The following IMPG2 variants were observed in gnomAD, a reference collection of about 807,000 sequenced individuals.
The protein encoded by IMPG2 is interphotoreceptor matrix proteoglycan 2.
Under a neutral mutation model 129.2 loss-of-function variants are expected in IMPG2, and 91 were observed. The observed-to-expected ratio is 0.70, with a 90% CI of 0.59 to 0.84. The LOEUF (loss-of-function observed/expected upper bound fraction) is 0.84. Among genes scored for constraint, IMPG2 ranks in the 40% least tolerant of loss-of-function variants. IMPG2 has a pLI of 0.00. For synonymous variants in IMPG2, 510 were observed against 517.7 expected (o/e 0.99, Z 0.20); for missense variants, 1,430 against 1,461.7 (o/e 0.98, Z 0.35).
In IMPG2 at chr3:101,319,774, G is replaced by A. The variant is rs2058802482; in HGVS notation, c.144C>T (p.Leu48=). ...AAAGGTCTGTTGATTCTTCAGGCAG[G>A]AGAAAAGAAACTGCACTCTTGGGTT... ...IQEPKSAVSF[L]LPEESTDLSL... Residue 48 remains leucine (L), a synonymous_variant, in exon 2 of 19, where the codon CTC becomes CTT. Transcript: ENST00000193391. 6.2e-7 allele frequency: 1 copy of A among 1,613,460 alleles called. No individual in the cohort carries two copies. The highest frequency in any genetic ancestry group is 1.1e-5 in the South Asian group (1 of 91,074).
chr3:101,269,508 T>C lies in IMPG2; in HGVS notation c.887+7A>G. The C allele has an allele frequency of 1.3e-6, 2 of 1,510,760 alleles. No individual in the cohort carries two copies. Among genetic ancestry groups the C allele is most frequent in the East Asian group, 4.5e-5 (2 of 44,272 alleles). The allele number at this position is 1,510,760 out of a possible 1,614,324, so 93.6% of individuals were successfully genotyped here. On this transcript the variant is annotated splice_region_variant and intron_variant, in intron 8 of 18. Transcript: ENST00000193391. ...GAAAATGTGCATATTTAGATAAGTC[T>C]ATTTACCTAAATTCAAGTACACGAA...
chr3:101,297,412 C>T (rs969186003), intron 3 of IMPG2, among the ~76,000 whole-genome samples: 2 of 151,820 alleles, frequency 1.3e-5, no homozygotes, highest in Non-Finnish European at 1.5e-5. Context: ...GAATTCTGCT[C>T]TGATCTTAGT....
At chr3:101,243,142 T>C (rs1438147741) in intron 13 of IMPG2, among the ~76,000 whole-genome samples, 2 of 152,248 alleles carry the variant, frequency 1.3e-5, no homozygotes, top group South Asian at 2.1e-4. Context: ...ATGGAATTCA[T>C]ACATAGTTTT....
chr3:101,253,059 C>A (rs1359105010), intron 11 of IMPG2, among the ~76,000 whole-genome samples: 1 of 152,060 alleles, frequency 6.6e-6, no homozygotes, highest in Non-Finnish European at 1.5e-5. Flanking sequence ...TAACTCCCTA[C>A]AAGTGAAGTG....
At chr3:101,259,870 C>T (rs966683086) in intron 9 of IMPG2, among the ~76,000 whole-genome samples, 3 of 151,972 alleles carry the variant, frequency 2.0e-5, no homozygotes, top group African/African-American at 4.8e-5. Flanking sequence ...GTAAAAGAAA[C>T]TTTTGATTAT....
At chr3:101,298,590 C>A (rs1025529831) in intron 3 of IMPG2, among the ~76,000 whole-genome samples, 1 of 152,180 alleles carries the variant, frequency 6.6e-6, no homozygotes, top group African/African-American at 2.4e-5. Flanking sequence ...CAAGGCAGGC[C>A]TGATGGTGAT....
chr3:101,232,391 C>T (rs1162233598), intron 15 of IMPG2, among the ~76,000 whole-genome samples: 1 of 152,034 alleles, frequency 6.6e-6, no homozygotes, highest in Non-Finnish European at 1.5e-5. Context: ...GTGCCTGCCA[C>T]CACACCCAGC....
At chr3:101,304,535 A>G (rs1707169008) in intron 2 of IMPG2, among the ~76,000 whole-genome samples, 1 of 152,184 alleles carries the variant, frequency 6.6e-6, no homozygotes, top group African/African-American at 2.4e-5. Context: ...TACAAAGAGA[A>G]TTGATTCATC....
intron 9 of IMPG2, among the ~76,000 whole-genome samples, chr3:101,264,245 C>A (rs1195948731): frequency 1.3e-5 from 2 of 151,780 alleles, no homozygotes; most frequent in East Asian, 1.9e-4. Context: ...ACGTACCTGA[C>A]AAAAATTGAA....
intron 9 of IMPG2, among the ~76,000 whole-genome samples, chr3:101,260,320 T>A (rs940313315): frequency 2.6e-5 from 4 of 152,180 alleles, no homozygotes; most frequent in Non-Finnish European, 5.9e-5. Context: ...AGTAAGAACA[T>A]CTGCTTGTCT....
intron 9 of IMPG2, among the ~76,000 whole-genome samples, chr3:101,258,306 G>C (rs931180404): frequency 6.6e-6 from 1 of 152,034 alleles, no homozygotes; most frequent in African/African-American, 2.4e-5. Context: ...TTGTGCTGGA[G>C]TATTTTCTAA....
chr3:101,304,028 C>A (rs775229322), intron 3 of IMPG2, 118 bp downstream of exon 3: 29 of 1,055,334 alleles, frequency 2.7e-5, no homozygotes, highest in Non-Finnish European at 4.2e-5. Context: ...CTCAGATAGC[C>A]CAATTCAACA....
chr3:101,305,676 A>AT (rs1229649713), intron 2 of IMPG2, among the ~76,000 whole-genome samples: 3 of 152,126 alleles, frequency 2.0e-5, no homozygotes, highest in Non-Finnish European at 2.9e-5. Flanking sequence ...TAAGAAAAAA[A>AT]AATATATATA....
intron 11 of IMPG2, among the ~76,000 whole-genome samples, chr3:101,249,510 A>G (rs929805050): frequency 6.6e-6 from 1 of 152,192 alleles, no homozygotes; most frequent in African/African-American, 2.4e-5. Context: ...GAAAAGTGAT[A>G]AAAAGTATAT....
At chr3:101,291,031 A>T (rs1401719813) in intron 4 of IMPG2, among the ~76,000 whole-genome samples, 1 of 152,210 alleles carries the variant, frequency 6.6e-6, no homozygotes, top group African/African-American at 2.4e-5. Context: ...CACAGTGAAC[A>T]GAGTCAAGAA....
chr3:101,300,157 C>T (rs1021224917), intron 3 of IMPG2, among the ~76,000 whole-genome samples: 1 of 152,204 alleles, frequency 6.6e-6, no homozygotes. Flanking sequence ...TGTCAAGGTC[C>T]GGCCTGAAGA....
chr3:101,305,057 G>A (rs1390082665), intron 2 of IMPG2, among the ~76,000 whole-genome samples: 1 of 152,018 alleles, frequency 6.6e-6, no homozygotes, highest in African/African-American at 2.4e-5. Flanking sequence ...GGTATTTAAA[G>A]TCGCTTTATT....
At position 101,259,295 on chromosome 3, in the gene IMPG2, G is replaced by T. The variant is rs543808953; in HGVS notation, c.909-1522C>A. Among the ~76,000 whole-genome samples the T allele has an allele frequency of 2.0e-5, 3 of 152,190 alleles. No individual in the cohort carries two copies. The South Asian group carries it at 6.2e-4, about 32-fold the overall frequency. On this transcript the variant is annotated intron_variant, in intron 9 of 18. Transcript: ENST00000193391. ...GAGACAAACCACTCAAGACAGACGT[G>T]CAGTAAAAGTAATTCACCACTTTCA...
intron 2 of IMPG2, among the ~76,000 whole-genome samples, chr3:101,316,713 T>C (rs1240587149): frequency 2.6e-5 from 4 of 152,100 alleles, no homozygotes; most frequent in Non-Finnish European, 1.5e-5. Context: ...CGTATACCTA[T>C]CACGTGACCC....
Sources: allele counts gnomAD v4.1 joint callset (sites outside exome capture counted in the v4.1 genomes callset), GRCh38; gene constraint gnomAD v4.1.1; transcripts MANE v1.5; gene names NCBI Gene and HGNC (gene_info 2026-07-23, HGNC 2026-07-21).